Variants in HEATR4 observed in about 807,000 individuals in gnomAD.
HEATR4 encodes HEAT repeat-containing protein 4.
A neutral mutation model predicts 108.8 loss-of-function variants in HEATR4; 95 were observed. The ratio of observed to expected loss-of-function variants is 0.87; its 90% CI spans 0.74 to 1.04. The LOEUF (loss-of-function observed/expected upper bound fraction) is 1.04, where lower values mean the gene tolerates loss of function less well. Among genes scored for constraint, HEATR4 ranks in the 50% least tolerant of loss-of-function variants. The pLI, the probability that HEATR4 is intolerant of heterozygous loss-of-function variation, is 0.00. For synonymous variants in HEATR4, 443 were observed against 459.4 expected (o/e 0.96, Z 0.46); for missense variants, 1,152 against 1,253.8 (o/e 0.92, Z 1.23).
chr14:73,478,758 C>A lies in HEATR4; in HGVS notation c.2929G>T (p.Val977Phe). Reference sequence around the variant, plus strand: ...TCGGGGGAGGTGCGTAGATCTTTGACAAGTGATGAACGAACTTTGCTTCGT... The same window carrying A: ...TCGGGGGAGGTGCGTAGATCTTTGAAAAGTGATGAACGAACTTTGCTTCGT... ...TTRSKVRSSL[V>F]KDLRTSPEKR... is the part of the protein sequence containing the mutation. Residue 977 changes from valine to phenylalanine, a missense_variant, in exon 18 of 18, where the codon GTC becomes TTC. Physicochemically the swap from Val to Phe is conservative, Grantham distance 50 (BLOSUM62 -1). Coordinates refer to ENST00000553558, the MANE Select transcript of HEATR4 (RefSeq NM_001220484.1). 6.2e-7 allele frequency: 1 copy of A among 1,613,942 alleles called. No individual in the cohort carries two copies. Among genetic ancestry groups the A allele is most frequent in the Non-Finnish European group, 8.5e-7 (1 of 1,179,970 alleles).
chr14:73,599,428 G>A, the HEATR4 span, among the ~76,000 whole-genome samples: 2 of 152,144 alleles, frequency 1.3e-5, no homozygotes, highest in African/African-American at 4.8e-5. Context: ...ACAGGACTGG[G>A]TAGGAATGGA....
At chr14:73,583,874 C>T in the HEATR4 span, among the ~76,000 whole-genome samples, 2 of 152,002 alleles carry the variant, frequency 1.3e-5, no homozygotes, top group Middle Eastern at 3.4e-3. Flanking sequence ...GTGGTGCGCA[C>T]CTGTAGTCCC....
chr14:73,518,035 G>A (rs1240492068), intron 5 of HEATR4, among the ~76,000 whole-genome samples: 3 of 152,270 alleles, frequency 2.0e-5, no homozygotes, highest in East Asian at 1.9e-4. Flanking sequence ...GCAGTGAGCC[G>A]AGATCACGCC....
the HEATR4 span, among the ~76,000 whole-genome samples, chr14:73,612,175 G>A: frequency 6.6e-6 from 1 of 151,826 alleles, no homozygotes; most frequent in Non-Finnish European, 1.5e-5. Flanking sequence ...CCAAGTAGCC[G>A]GGATTACAGG....
At chr14:73,619,334 T>C in the HEATR4 span, 12 of 1,614,080 alleles carry the variant, frequency 7.4e-6, no homozygotes, top group East Asian at 2.2e-5. Flanking sequence ...ACTGTACTTA[T>C]CAATGCCTGT....
rs571100548 is a variant in HEATR4 at position 73,527,023 on chromosome 14, C to T, written c.-73+3143G>A. Among the ~76,000 whole-genome samples the T allele has an allele frequency of 1.1e-4, 16 of 152,204 alleles. No homozygotes were observed. The South Asian group carries it at 3.3e-3, about 32-fold the overall frequency. On this transcript the variant is annotated intron_variant, in intron 2 of 17. Transcript: ENST00000553558. ...CCGGGGAATTTTCCCTTATCTTACCCAAGGCCACCAAAGATACAGGAGTAT... is the reference window on the plus strand; with the variant it reads ...CCGGGGAATTTTCCCTTATCTTACCTAAGGCCACCAAAGATACAGGAGTAT...
At chr14:73,617,142 C>T in the HEATR4 span, 656,871 of 1,612,092 alleles carry the variant, frequency 0.41, 138,525 homozygotes, top group East Asian at 0.67. Context: ...GAATGATGTA[C>T]ATCTGGAGTA....
chr14:73,501,992 G>T (rs947349399), intron 11 of HEATR4, among the ~76,000 whole-genome samples: 1 of 151,026 alleles, frequency 6.6e-6, no homozygotes, highest in African/African-American at 2.4e-5. Context: ...TGATCCACCC[G>T]CCTCGGCCTC....
intron 15 of HEATR4, 147 bp downstream of exon 15, chr14:73,496,454 T>C: frequency 1.7e-6 from 1 of 593,584 alleles, no homozygotes; most frequent in South Asian, 2.2e-5. Context: ...CTTTGCATCT[T>C]CAAATGATGT....
intron 17 of HEATR4, among the ~76,000 whole-genome samples, chr14:73,490,630 G>A (rs2140246941): frequency 6.6e-6 from 1 of 152,102 alleles, no homozygotes; most frequent in Non-Finnish European, 1.5e-5. Context: ...AATTTTTGTA[G>A]TTTTAGTACA....
chr14:73,506,802 C>CTTTTTTTTTT (rs1470976246), intron 9 of HEATR4, among the ~76,000 whole-genome samples: 12 of 58,022 alleles, frequency 2.1e-4, no homozygotes, highest in East Asian at 9.2e-4. Context: ...CTGACTTTAA[C>CTTTTTTTTTT]TGTTTTTTTT....
intron 10 of HEATR4, 109 bp from the exon 11 acceptor site, chr14:73,503,122 A>T: frequency 1.2e-6 from 1 of 865,756 alleles, no homozygotes; most frequent in South Asian, 1.5e-5. Context: ...ACTAATGAGG[A>T]TTGTCCTGAG....
chr14:73,515,478 G>A (rs1160267542), intron 5 of HEATR4, among the ~76,000 whole-genome samples: 17 of 151,838 alleles, frequency 1.1e-4, no homozygotes, highest in Admixed American at 3.9e-4. Flanking sequence ...TCACAAGTTC[G>A]AGACCAGCCT....
the HEATR4 span, among the ~76,000 whole-genome samples, chr14:73,583,661 T>C: frequency 1.3e-5 from 2 of 151,980 alleles, no homozygotes; most frequent in Non-Finnish European, 2.9e-5. Context: ...GTTAATTGAA[T>C]GCAGGTGCCA....
chr14:73,522,843 G>A lies in HEATR4; in HGVS notation c.310C>T (p.His104Tyr), dbSNP rs1888060686. ...CGGGCCTTCCTGATCTGGGGAGTAT[G>A]GATGATGTCATTGGTATTGTAGAGG... ...DHLYNTNDII[H>Y]TPQIRKARPQ... The change falls in exon 3 of 18, where the codon CAT becomes TAT. Residue 104 changes from histidine (H) to tyrosine (Y), a missense_variant. Coordinates refer to ENST00000553558, the MANE Select transcript of HEATR4 (RefSeq NM_001220484.1). 1 of 1,614,092 alleles carries A rather than the reference G, an allele frequency of 6.2e-7. No individual in the cohort carries two copies. Among genetic ancestry groups the A allele is most frequent in the African/African-American group, 1.3e-5 (1 of 74,926 alleles).
chr14:73,569,812 TCCTC>T, the HEATR4 span: 13 of 1,600,954 alleles, frequency 8.1e-6, no homozygotes, highest in Non-Finnish European at 1.1e-5. Context: ...GAGCGCTACT[TCCTC>T]CCGCCCGGGG....
At chr14:73,628,284 A>C in the HEATR4 span, among the ~76,000 whole-genome samples, 2 of 151,738 alleles carry the variant, frequency 1.3e-5, no homozygotes, top group Non-Finnish European at 2.9e-5. Context: ...TATATATTTC[A>C]CAATATCACA....
chr14:73,597,007 C>T, the HEATR4 span, among the ~76,000 whole-genome samples: 1 of 152,084 alleles, frequency 6.6e-6, no homozygotes, highest in African/African-American at 2.4e-5. Context: ...TTGTAAATGC[C>T]AGGCAGAATA....
chr14:73,579,010 G>A, the HEATR4 span, among the ~76,000 whole-genome samples: 7 of 150,400 alleles, frequency 4.7e-5, no homozygotes, highest in African/African-American at 1.2e-4. Context: ...GCGTGAACCC[G>A]GGATGTGGAG....
Sources: allele counts gnomAD v4.1 joint callset (sites outside exome capture counted in the v4.1 genomes callset), GRCh38; gene constraint gnomAD v4.1.1; transcripts MANE v1.5; gene names NCBI Gene and HGNC (gene_info 2026-07-23, HGNC 2026-07-21).